The following POR variants were observed in gnomAD, a reference collection of about 807,000 sequenced individuals.
POR encodes cytochrome p450 oxidoreductase, also known as NADPH--cytochrome P450 reductase.
POR carries 56 observed loss-of-function variants against 84.0 expected under a neutral mutation model. The observed-to-expected ratio is 0.67, with a 90% CI of 0.54 to 0.83. The LOEUF is 0.83. Ranked by LOEUF, POR falls within the 40% of genes least tolerant of loss-of-function variation. The probability of loss-of-function intolerance (pLI) is 0.00; values close to 1 mark genes in which losing one functional copy is unlikely to be tolerated. For synonymous variants in POR, 414 were observed against 400.5 expected (o/e 1.03, Z -0.40); for missense variants, 938 against 944.3 (o/e 0.99, Z 0.09).
intron 2 of POR, among the ~76,000 whole-genome samples, chr7:75,966,996 G>T (rs1330277586): frequency 1.3e-5 from 2 of 152,100 alleles, no homozygotes; most frequent in African/African-American, 4.8e-5. Context: ...TTGAGACAGG[G>T]TCTCACTCTG....
chr7:75,943,064 G>C (rs373076893), intron 1 of POR, among the ~76,000 whole-genome samples: 6 of 151,356 alleles, frequency 4.0e-5, no homozygotes, highest in African/African-American at 1.5e-4. Flanking sequence ...TGTTTCTTCT[G>C]CCTCAGCCTC....
intron 1 of POR, among the ~76,000 whole-genome samples, chr7:75,917,380 CTTCTTTTTT>C (rs1304184194): frequency 7.9e-6 from 1 of 125,976 alleles, no homozygotes; most frequent in African/African-American, 4.0e-5. Context: ...CTTATTTCTT[CTTCTTTTTT>C]TTTTTTTTTT....
chr7:75,917,846 G>A (rs1554548250), intron 1 of POR, among the ~76,000 whole-genome samples: 1 of 152,054 alleles, frequency 6.6e-6, no homozygotes, highest in Admixed American at 6.6e-5. Flanking sequence ...CTCCCAGGTG[G>A]CTACAGCCTT....
chr7:75,934,122 A>T (rs1585090770), intron 1 of POR, among the ~76,000 whole-genome samples: 1 of 126,764 alleles, frequency 7.9e-6, no homozygotes, highest in Admixed American at 8.1e-5. Flanking sequence ...AAGACCTCAG[A>T]GTGTGTGTGT....
chr7:75,936,328 C>T lies in POR; in HGVS notation c.-4-17661C>T, dbSNP rs112872187. On this transcript the variant is annotated intron_variant, in intron 1 of 15. Transcript: ENST00000461988. ...CTCACTTTGTTGCCCAGGCTGGTCT[C>T]GAACCTCTGGCCTCAGCACTTCTCC... Among the ~76,000 whole-genome samples, 528 of 150,570 alleles carry T rather than the reference C, an allele frequency of 3.5e-3. 4 individuals are homozygous for T. The highest frequency in any genetic ancestry group is 0.01 in the Middle Eastern group (3 of 290).
intron 3 of POR, 106 bp downstream of exon 3, chr7:75,972,567 T>TGGCCAGGAGAGGGAACGC (rs1186348540): frequency 1.8e-6 from 2 of 1,136,802 alleles, no homozygotes; most frequent in African/African-American, 3.1e-5. Context: ...GATGTCCCGG[T>TGGCCAGGAGAGGGAACGC]GGCCAGGAGA....
intron 4 of POR, chr7:75,979,895 T>C: frequency 5.3e-6 from 2 of 376,664 alleles, no homozygotes; most frequent in East Asian, 5.6e-5. Flanking sequence ...CACTCCCCTC[T>C]CCTTCGAGGT....
chr7:75,967,355 G>A (rs1464026012), intron 2 of POR, among the ~76,000 whole-genome samples: 5 of 152,134 alleles, frequency 3.3e-5, no homozygotes, highest in Non-Finnish European at 7.4e-5. Context: ...CACTGCAAAC[G>A]GAGCCCACCT....
At chr7:75,964,158 C>T (rs1788067320) in intron 2 of POR, among the ~76,000 whole-genome samples, 1 of 151,888 alleles carries the variant, frequency 6.6e-6, no homozygotes, top group Non-Finnish European at 1.5e-5. Context: ...TGCCACCACG[C>T]CCAGCTAATT....
intron 2 of POR, among the ~76,000 whole-genome samples, chr7:75,963,045 G>A (rs1044811069): frequency 2.6e-5 from 4 of 152,058 alleles, no homozygotes. Flanking sequence ...CTTCCTTTTG[G>A]GGCCTGTTCT....
intron 3 of POR, among the ~76,000 whole-genome samples, chr7:75,973,766 T>C (rs140844996): frequency 3.8e-5 from 5 of 132,348 alleles, no homozygotes; most frequent in African/African-American, 1.4e-4. Flanking sequence ...ACTGCAACCT[T>C]CACCTCCTCG....
intron 1 of POR, among the ~76,000 whole-genome samples, chr7:75,930,586 G>A (rs931137953): frequency 6.6e-6 from 1 of 152,164 alleles, no homozygotes; most frequent in Non-Finnish European, 1.5e-5. Flanking sequence ...GCAGTGGCAC[G>A]ATCTTGGCTC....
chr7:75,979,679 G>C, intron 4 of POR, 100 bp downstream of exon 4: 2 of 1,511,784 alleles, frequency 1.3e-6, no homozygotes, highest in Admixed American at 3.5e-5. Flanking sequence ...GGCAGGGAGT[G>C]GGGTCCTGGG....
chr7:75,982,207 T>C lies in POR; in HGVS notation c.732-17T>C, dbSNP rs868927037. 4.4e-6 allele frequency: 7 copies of C among 1,599,294 alleles called. No individual in the cohort carries two copies. The Middle Eastern group carries it at 9.9e-4, about 226-fold the overall frequency. On this transcript the variant is annotated splice_polypyrimidine_tract_variant and intron_variant, in intron 7 of 15. Coordinates refer to ENST00000461988, the MANE Select transcript of POR (RefSeq NM_000941.3). ...CCCTGCCGCTTCCCGGCCTCACCCT[T>C]GGTCTCCCCTTTCCAGCATTCGCCA... is the stretch of plus-strand genomic sequence containing the variant.
At chr7:75,934,122 A>AGAGTGTGTGT (rs1807555954) in intron 1 of POR, among the ~76,000 whole-genome samples, 4 of 126,766 alleles carry the variant, frequency 3.2e-5, no homozygotes, top group African/African-American at 1.2e-4. Flanking sequence ...AAGACCTCAG[A>AGAGTGTGTGT]GTGTGTGTGT....
At chr7:75,950,342 G>C (rs1386187300) in intron 1 of POR, among the ~76,000 whole-genome samples, 1 of 152,188 alleles carries the variant, frequency 6.6e-6, no homozygotes, top group African/African-American at 2.4e-5. Context: ...TTGAGTCTGC[G>C]TTGAGAAGGA....
Position 75,984,935 on chromosome 7 carries a change from GCCT to G in POR, c.1234_1236del (p.Ser412del). On this transcript the variant is annotated inframe_deletion, in exon 11 of 16. Transcript: ENST00000461988. ...GGAGCAGGAGCTGCTGCGCAAGATG[GCCT>G]CCTCCTCCGGCGAGGGCAAGGTGCG... The G allele has an allele frequency of 1.2e-6, 2 of 1,600,110 alleles. No homozygotes were observed. Among genetic ancestry groups the G allele is most frequent in the African/African-American group, 1.3e-5 (1 of 74,814 alleles).
intron 3 of POR, among the ~76,000 whole-genome samples, chr7:75,976,397 C>T (rs1377558885): frequency 1.3e-5 from 2 of 151,258 alleles, no homozygotes; most frequent in Non-Finnish European, 2.9e-5. Flanking sequence ...GAGCCAAGAT[C>T]GCACCACTGC....
Position 75,917,057 on chromosome 7 carries a change from T to C in POR, c.-5+1878T>C, listed in dbSNP as rs117905744. On this transcript the variant is annotated intron_variant, in intron 1 of 15. Coordinates refer to ENST00000461988, the MANE Select transcript of POR (RefSeq NM_000941.3). ...TGGAACATTTCAAGTTAAAAATAAT[T>C]TAGCTTTTAAGTAACTTTTTTTTTT... 2.1e-3 allele frequency among the ~76,000 whole-genome samples: 326 copies of C among 152,122 alleles called. 2 individuals are homozygous for C. Among genetic ancestry groups the C allele is most frequent in the Non-Finnish European group, 3.6e-3 (245 of 68,008 alleles).
Sources: gnomAD v4.1 joint callset for allele counts (sites outside exome capture counted in the v4.1 genomes callset) on GRCh38, gnomAD v4.1.1 for gene constraint, MANE v1.5 for transcripts, NCBI Gene and HGNC (gene_info 2026-07-23, HGNC 2026-07-21) for gene names.